The following FARP1 variants were observed in gnomAD, a reference collection of about 807,000 sequenced individuals.
FARP1 encodes FERM, ARHGEF and pleckstrin domain-containing protein 1.
A neutral mutation model predicts 128.8 loss-of-function variants in FARP1; 52 were observed. That is an observed-to-expected ratio of 0.40 (90% CI 0.32 to 0.51). The LOEUF (loss-of-function observed/expected upper bound fraction) is 0.51. Among genes scored for constraint, FARP1 ranks in the 20% least tolerant of loss-of-function variants. The probability of loss-of-function intolerance (pLI) is 0.45; values close to 1 mark genes in which losing one functional copy is unlikely to be tolerated. For synonymous variants in FARP1, 580 were observed against 551.8 expected (o/e 1.05, Z -0.72); for missense variants, 1,333 against 1,367.9 (o/e 0.97, Z 0.40).
chr13:98,412,349 G>GA (rs1375687188), intron 16 of FARP1, among the ~76,000 whole-genome samples: 1 of 152,228 alleles, frequency 6.6e-6, no homozygotes, highest in Non-Finnish European at 1.5e-5. Flanking sequence ...TAGGGGCTTA[G>GA]GAAGGCTTTG....
chr13:98,396,002 C>T (rs944447708), intron 13 of FARP1: 1 of 399,170 alleles, frequency 2.5e-6, no homozygotes, highest in African/African-American at 2.1e-5. Context: ...CAGGGTCCTC[C>T]TTATGAACGC....
chr13:98,161,731 T>TTCTCTCTTTC (rs950716808), intron 1 of FARP1, among the ~76,000 whole-genome samples: 1 of 152,068 alleles, frequency 6.6e-6, no homozygotes, highest in African/African-American at 2.4e-5. Flanking sequence ...GTCTCTCTTT[T>TTCTCTCTTTC]TCTCTCTTTC....
intron 2 of FARP1, among the ~76,000 whole-genome samples, chr13:98,236,473 AAC>A (rs1158837444): frequency 2.0e-5 from 3 of 152,202 alleles, no homozygotes; most frequent in Non-Finnish European, 1.5e-5. Context: ...GCCATTGAAC[AAC>A]ACAGGTTTGA....
intron 1 of FARP1, among the ~76,000 whole-genome samples, chr13:98,147,637 A>G (rs1204034367): frequency 6.6e-6 from 1 of 151,898 alleles, no homozygotes; most frequent in Non-Finnish European, 1.5e-5. Context: ...GATCTAGTAT[A>G]GTATCTGAAT....
At chr13:98,308,033 C>CTTTTTTTTTTTT (rs10536692) in intron 2 of FARP1, among the ~76,000 whole-genome samples, 1 of 16,968 alleles carries the variant, frequency 5.9e-5, no homozygotes, top group African/African-American at 1.5e-4. Flanking sequence ...CACTCTCTCT[C>CTTTTTTTTTTTT]TTTTTTTTTT....
intron 13 of FARP1, chr13:98,395,929 T>A (rs1180340335): frequency 2.5e-6 from 1 of 399,370 alleles, no homozygotes. Context: ...GTCTCAAGGC[T>A]ATGTTTCGGA....
chr13:98,354,774 G>A (rs1179250163), intron 3 of FARP1, among the ~76,000 whole-genome samples: 1 of 152,186 alleles, frequency 6.6e-6, no homozygotes, highest in Non-Finnish European at 1.5e-5. Context: ...GAGAAGAATT[G>A]TTAAACAGAC....
chr13:98,241,978 G>T (rs1217868973), intron 2 of FARP1, among the ~76,000 whole-genome samples: 1 of 152,176 alleles, frequency 6.6e-6, no homozygotes, highest in African/African-American at 2.4e-5. Context: ...GGTGGTATGT[G>T]CCTGTAGTCC....
chr13:98,253,290 C>G (rs1366382212), intron 2 of FARP1, among the ~76,000 whole-genome samples: 1 of 152,212 alleles, frequency 6.6e-6, no homozygotes, highest in Admixed American at 6.5e-5. Flanking sequence ...GCTGGGGCTG[C>G]AGAAGATGAC....
At chr13:98,143,995 AAG>A (rs1428658025) in intron 1 of FARP1, among the ~76,000 whole-genome samples, 1 of 152,144 alleles carries the variant, frequency 6.6e-6, no homozygotes, top group Non-Finnish European at 1.5e-5. Flanking sequence ...GCGGGTGACA[AAG>A]AGGAACACAC....
At chr13:98,143,642 C>T (rs933141373) in intron 1 of FARP1, 150 bp downstream of exon 1, 1 of 151,210 alleles carries the variant, frequency 6.6e-6, no homozygotes, top group African/African-American at 2.4e-5. Context: ...CGAGGTCCTG[C>T]CCTGCGCAGT....
At chr13:98,189,077 TC>T (rs928146513) in intron 1 of FARP1, among the ~76,000 whole-genome samples, 9 of 152,012 alleles carry the variant, frequency 5.9e-5, no homozygotes, top group African/African-American at 2.2e-4. Context: ...TCCCATGATG[TC>T]CCCAGTGAAT....
chr13:98,183,729 T>C (rs529368695), intron 1 of FARP1, among the ~76,000 whole-genome samples: 1 of 152,294 alleles, frequency 6.6e-6, no homozygotes, highest in South Asian at 2.1e-4. Flanking sequence ...TGGGGTATGC[T>C]GAGGACTGGA....
intron 2 of FARP1, among the ~76,000 whole-genome samples, chr13:98,271,589 A>G (rs2892900): frequency 0.84 from 127,756 of 151,940 alleles, 53,832 homozygotes; most frequent in East Asian, 1. Context: ...AGGCCCCAGT[A>G]TGTGATATTC....
At chr13:98,410,435 T>C (rs1891147715) in intron 14 of FARP1, among the ~76,000 whole-genome samples, 1 of 152,242 alleles carries the variant, frequency 6.6e-6, no homozygotes, top group South Asian at 2.1e-4. Flanking sequence ...TTGCTGACGG[T>C]AATTTTTACC....
intron 5 of FARP1, among the ~76,000 whole-genome samples, chr13:98,373,753 C>G: frequency 6.6e-6 from 1 of 152,152 alleles, no homozygotes; most frequent in East Asian, 1.9e-4. Flanking sequence ...TCCTAAATGA[C>G]TTAAAATGGA....
chr13:98,419,961 T>C (rs1271970566), intron 16 of FARP1, among the ~76,000 whole-genome samples: 1 of 152,090 alleles, frequency 6.6e-6, no homozygotes, highest in Non-Finnish European at 1.5e-5. Flanking sequence ...AGTGTGCCAG[T>C]CACTGCCCTC....
intron 11 of FARP1, among the ~76,000 whole-genome samples, chr13:98,393,346 T>G (rs147176982): frequency 1.3e-5 from 2 of 152,340 alleles, no homozygotes; most frequent in East Asian, 3.9e-4. Flanking sequence ...ACTTTCCCCT[T>G]AACTAGAAAG....
At chr13:98,255,655 A>G (rs533206621) in intron 2 of FARP1, among the ~76,000 whole-genome samples, 1 of 152,220 alleles carries the variant, frequency 6.6e-6, no homozygotes, top group African/African-American at 2.4e-5. Context: ...TAAGATGGAA[A>G]ATATATTTTG....
Sources: allele counts gnomAD v4.1 joint callset (sites outside exome capture counted in the v4.1 genomes callset), GRCh38; gene constraint gnomAD v4.1.1; transcripts MANE v1.5; gene names NCBI Gene and HGNC (gene_info 2026-07-23, HGNC 2026-07-21).